AFF3: variants seen among roughly 807,000 people sequenced by gnomAD.
AFF3 encodes ALF transcription elongation factor 3, also known as AF4/FMR2 family member 3.
In AFF3, 32 loss-of-function variants were observed where a neutral mutation model predicts 129.7. The observed-to-expected ratio is 0.25, with a 90% CI of 0.19 to 0.33. The LOEUF (loss-of-function observed/expected upper bound fraction) is 0.33. Ranked by LOEUF, AFF3 falls within the 10% of genes least tolerant of loss-of-function variation. The pLI, the probability that AFF3 is intolerant of heterozygous loss-of-function variation, is 1.00. For missense variants in AFF3, 1,373 were observed against 1,592.0 expected, an observed-to-expected ratio of 0.86 and a Z score of 2.34; for synonymous variants, 644 against 635.4, an observed-to-expected ratio of 1.01 and a Z score of -0.20.
chr2:99,730,153 T>A (rs1679703466), intron 10 of AFF3, among the ~76,000 whole-genome samples: 1 of 152,172 alleles, frequency 6.6e-6, no homozygotes, highest in African/African-American at 2.4e-5. Flanking sequence ...TGATGCCCTG[T>A]CACTAATACA....
At chr2:99,941,604 T>C (rs1454787553) in intron 7 of AFF3, among the ~76,000 whole-genome samples, 4 of 152,220 alleles carry the variant, frequency 2.6e-5, no homozygotes, top group East Asian at 1.9e-4. Flanking sequence ...TGACTACACA[T>C]GGGACTAAAT....
chr2:99,669,161 T>C (rs537644147), intron 12 of AFF3, among the ~76,000 whole-genome samples: 1 of 152,186 alleles, frequency 6.6e-6, no homozygotes, highest in South Asian at 2.1e-4. Context: ...TCAGCATTTA[T>C]ACTTCTGGGC....
chr2:99,678,088 C>T (rs560777279), intron 11 of AFF3, among the ~76,000 whole-genome samples: 18 of 152,342 alleles, frequency 1.2e-4, no homozygotes, highest in African/African-American at 4.1e-4. Flanking sequence ...CCCTCACACA[C>T]GACATTCAAA....
rs79147720 is a variant in AFF3 at position 99,631,717 on chromosome 2, G to A, written c.1184+17909C>T. ...TTGTAATGCTGAATGATATTCCAGT[G>A]TACAGATATGCCAGTTTTGTTTATC... is the stretch of plus-strand genomic sequence containing the variant. On this transcript the variant is annotated intron_variant, in intron 13 of 24. Coordinates refer to ENST00000672756, the MANE Select transcript of AFF3 (RefSeq NM_001386135.1). 3.6e-3 allele frequency among the ~76,000 whole-genome samples: 547 copies of A among 152,318 alleles called. 13 individuals are homozygous for A. In the East Asian group the frequency reaches 0.063, roughly 18 times the overall value.
intron 12 of AFF3, among the ~76,000 whole-genome samples, chr2:99,663,400 A>C (rs1463324067): frequency 6.6e-6 from 1 of 152,210 alleles, no homozygotes; most frequent in Non-Finnish European, 1.5e-5. Context: ...TATCTTGATG[A>C]AGCAAGGCTT....
intron 11 of AFF3, among the ~76,000 whole-genome samples, chr2:99,686,134 G>A (rs1285080378): frequency 1.3e-5 from 2 of 152,122 alleles, no homozygotes; most frequent in Non-Finnish European, 2.9e-5. Flanking sequence ...AGGTTGCTAT[G>A]AGCCGAGATT....
chr2:99,629,399 T>C (rs565495391), intron 13 of AFF3, among the ~76,000 whole-genome samples: 81 of 152,104 alleles, frequency 5.3e-4, no homozygotes, highest in Non-Finnish European at 6.9e-4. Context: ...AGGAATGCAA[T>C]CTCATTCACA....
intron 13 of AFF3, among the ~76,000 whole-genome samples, chr2:99,617,373 C>T (rs1681543761): frequency 6.6e-6 from 1 of 152,282 alleles, no homozygotes; most frequent in African/African-American, 2.4e-5. Context: ...TGGTGTCTCA[C>T]TGTGGTTTTG....
intron 7 of AFF3, among the ~76,000 whole-genome samples, chr2:99,962,785 T>G (rs554302975): frequency 2.0e-5 from 3 of 150,588 alleles, no homozygotes; most frequent in Admixed American, 2.0e-4. Context: ...ACACTGATAT[T>G]TAACTTCTTT....
At chr2:100,025,395 A>G (rs1559067919) in intron 4 of AFF3, among the ~76,000 whole-genome samples, 1 of 152,212 alleles carries the variant, frequency 6.6e-6, no homozygotes, top group East Asian at 1.9e-4. Context: ...GAAAGAAATC[A>G]CAGATGACAC....
chr2:99,597,234 C>T (rs879923959), intron 14 of AFF3, among the ~76,000 whole-genome samples: 27 of 152,086 alleles, frequency 1.8e-4, no homozygotes, highest in Non-Finnish European at 2.9e-4. Context: ...GGCATAGCCT[C>T]GTGAAAGGGG....
At chr2:99,902,671 G>C (rs1694433590) in intron 7 of AFF3, among the ~76,000 whole-genome samples, 1 of 152,082 alleles carries the variant, frequency 6.6e-6, no homozygotes, top group African/African-American at 2.4e-5. Context: ...TAACCTTCTT[G>C]AGTAATCCAG....
chr2:99,756,917 A>G lies in AFF3; in HGVS notation c.922-4616T>C, dbSNP rs73964309. ...CTCATGACCCACCTTCACATTTCCAAGACCTTAGCAACCACTTTCAATAGA... is the reference window on the plus strand; with the variant it reads ...CTCATGACCCACCTTCACATTTCCAGGACCTTAGCAACCACTTTCAATAGA... On this transcript the variant is annotated intron_variant, in intron 8 of 24. Coordinates refer to ENST00000672756, the MANE Select transcript of AFF3 (RefSeq NM_001386135.1). Among the ~76,000 whole-genome samples the G allele has an allele frequency of 1.6e-3, 237 of 152,340 alleles. 1 individual carries two copies. Among genetic ancestry groups the G allele is most frequent in the African/African-American group, 5.2e-3 (215 of 41,562 alleles).
At chr2:100,132,016 C>A (rs892012095) in intron 1 of AFF3, among the ~76,000 whole-genome samples, 1 of 152,162 alleles carries the variant, frequency 6.6e-6, no homozygotes, top group African/African-American at 2.4e-5. Flanking sequence ...CGGCCCGCCA[C>A]ACACTCCACC....
In AFF3 at chr2:99,841,277, C is replaced by T. The variant is rs114057057; in HGVS notation, c.874-3753G>A. 4.6e-3 allele frequency among the ~76,000 whole-genome samples: 706 copies of T among 152,314 alleles called. 1 individual carries two copies. The highest frequency in any genetic ancestry group is 0.016 in the African/African-American group (682 of 41,570). ...AAGGAAATGCGCTGAGAGAGAAATGCAGGATAGATGCCCTATTAGATACTT... is the reference window on the plus strand; with the variant it reads ...AAGGAAATGCGCTGAGAGAGAAATGTAGGATAGATGCCCTATTAGATACTT... On this transcript the variant is annotated intron_variant, in intron 7 of 24. Transcript: ENST00000672756.
At chr2:99,907,693 C>A (rs535356178) in intron 7 of AFF3, among the ~76,000 whole-genome samples, 1 of 152,070 alleles carries the variant, frequency 6.6e-6, no homozygotes, top group African/African-American at 2.4e-5. Context: ...GGCTGGAGTA[C>A]AATGGCACGA....
chr2:99,671,361 T>C (rs1174500997), intron 12 of AFF3, among the ~76,000 whole-genome samples: 1 of 151,994 alleles, frequency 6.6e-6, no homozygotes, highest in Non-Finnish European at 1.5e-5. Context: ...GTGGCCTTCT[T>C]TGCCCAGTTA....
chr2:100,009,625 G>T (rs1326401001), intron 4 of AFF3, among the ~76,000 whole-genome samples: 1 of 152,184 alleles, frequency 6.6e-6, no homozygotes, highest in African/African-American at 2.4e-5. Flanking sequence ...TCCGCCTTTT[G>T]TTGAAGAAAA....
chr2:100,113,071 T>C (rs1355154825), intron 2 of AFF3, among the ~76,000 whole-genome samples: 1 of 152,214 alleles, frequency 6.6e-6, no homozygotes, highest in Non-Finnish European at 1.5e-5. Context: ...ATCTCTGTCA[T>C]CTTCCCTTGA....
Sources: allele counts gnomAD v4.1 joint callset (sites outside exome capture counted in the v4.1 genomes callset), GRCh38; gene constraint gnomAD v4.1.1; transcripts MANE v1.5; gene names NCBI Gene and HGNC (gene_info 2026-07-23, HGNC 2026-07-21).